Variants in PACRG observed in about 807,000 individuals in gnomAD.
PACRG encodes parkin coregulated.
Under a neutral mutation model 29.7 loss-of-function variants are expected in PACRG, and 29 were observed. The ratio of observed to expected loss-of-function variants is 0.98; its 90% CI spans 0.73 to 1.33. PACRG has a LOEUF of 1.33. Ranked by LOEUF, PACRG falls within the 40% of genes most tolerant of loss-of-function variation. The pLI is 0.00. For missense variants in PACRG, 279 were observed against 316.2 expected, an observed-to-expected ratio of 0.88 and a Z score of 0.89; for synonymous variants, 116 against 118.7, an observed-to-expected ratio of 0.98 and a Z score of 0.15.
chr6:163,285,456 A>G (rs1214152175), intron 4 of PACRG, among the ~76,000 whole-genome samples: 1 of 152,166 alleles, frequency 6.6e-6, no homozygotes, highest in Non-Finnish European at 1.5e-5. Flanking sequence ...TCCCTGCTAG[A>G]GTGAATCCCC....
chr6:163,075,239 G>A (rs748497722), intron 3 of PACRG, among the ~76,000 whole-genome samples: 1 of 152,050 alleles, frequency 6.6e-6, no homozygotes, highest in African/African-American at 2.4e-5. Context: ...TACAACAAAT[G>A]AAGAAATTAA....
At chr6:162,981,456 G>C (rs1802428546) in intron 2 of PACRG, among the ~76,000 whole-genome samples, 1 of 151,852 alleles carries the variant, frequency 6.6e-6, no homozygotes, top group Admixed American at 6.6e-5. Context: ...ATAGTTTGAA[G>C]TCAGGTAACG....
rs1392838522 is a variant in PACRG, at chr6:162,728,247, A to G, written c.12A>G (p.Glu4=). Residue 4 remains glutamate (E), a synonymous_variant, in exon 1 of 5, where the codon GAA becomes GAG. Transcript: ENST00000366888. ...CATTTTCTAGGAAGATGGTGGCAGA[A>G]AAAGAGACCCTGAGCTTAAACAAAT... The part of the protein sequence containing the change: MVA[E]KETLSLNKCP... The G allele has an allele frequency of 5.0e-6, 8 of 1,613,516 alleles. No homozygotes were observed. The highest frequency in any genetic ancestry group is 6.8e-6 in the Non-Finnish European group (8 of 1,179,878).
rs543798876 is a variant in PACRG, at chr6:163,078,413, G to A, written c.464-10846G>A. On this transcript the variant is annotated intron_variant, in intron 3 of 4. Coordinates refer to ENST00000366888, the MANE Select transcript of PACRG (RefSeq NM_001080379.2). ...AGCTACTTGGGAGGCTGAGGCAGGA[G>A]AATCACTTGAACCCGGGAGACGGAG... Among the ~76,000 whole-genome samples the A allele has an allele frequency of 4.7e-5, 7 of 150,370 alleles. No individual in the cohort carries two copies. The South Asian group carries it at 1.3e-3, about 28-fold the overall frequency.
At chr6:162,841,482 C>G (rs543361942) in intron 2 of PACRG, among the ~76,000 whole-genome samples, 157 of 152,160 alleles carry the variant, frequency 1.0e-3, no homozygotes, top group African/African-American at 3.7e-3. Context: ...AGATTTTTCT[C>G]TCTTTTTTTC....
chr6:163,289,930 C>G (rs1399390384), intron 4 of PACRG, among the ~76,000 whole-genome samples: 2 of 152,094 alleles, frequency 1.3e-5, no homozygotes, highest in African/African-American at 4.8e-5. Context: ...TCACCGCAAC[C>G]TCCGCCTCCC....
chr6:162,833,978 A>C (rs578183681), intron 2 of PACRG, among the ~76,000 whole-genome samples: 6 of 152,110 alleles, frequency 3.9e-5, no homozygotes, highest in Non-Finnish European at 8.8e-5. Context: ...TTCATCTTGC[A>C]AGACTGAAAC....
At chr6:163,081,334 T>TA (rs1397527862) in intron 3 of PACRG, among the ~76,000 whole-genome samples, 4 of 152,200 alleles carry the variant, frequency 2.6e-5, no homozygotes, top group Non-Finnish European at 5.9e-5. Flanking sequence ...TATCAGGGAC[T>TA]ACAGCAGGGG....
At chr6:162,877,790 G>A (rs1346302852) in intron 2 of PACRG, among the ~76,000 whole-genome samples, 1 of 152,006 alleles carries the variant, frequency 6.6e-6, no homozygotes, top group South Asian at 2.1e-4. Flanking sequence ...TTCTTGTCCT[G>A]CCCAGAAGAG....
intron 2 of PACRG, among the ~76,000 whole-genome samples, chr6:162,944,202 A>G (rs1798836710): frequency 6.6e-6 from 1 of 152,222 alleles, no homozygotes; most frequent in Admixed American, 6.5e-5. Flanking sequence ...GAAATTACAG[A>G]TACCACTGAT....
intron 2 of PACRG, among the ~76,000 whole-genome samples, chr6:162,863,306 A>G (rs1399549516): frequency 6.6e-6 from 1 of 152,252 alleles, no homozygotes. Context: ...GAGTTGGGCT[A>G]GGAAACTTTT....
intron 4 of PACRG, among the ~76,000 whole-genome samples, chr6:163,096,910 T>C (rs556118653): frequency 6.6e-6 from 1 of 152,328 alleles, no homozygotes; most frequent in Admixed American, 6.5e-5. Flanking sequence ...ACCTTTCCCA[T>C]ATGTCAGCAG....
At chr6:163,135,276 C>T (rs547167015) in intron 4 of PACRG, among the ~76,000 whole-genome samples, 2 of 151,910 alleles carry the variant, frequency 1.3e-5, no homozygotes, top group Admixed American at 6.6e-5. Context: ...GCAGCCTCCA[C>T]CTCCTCGGTT....
chr6:163,000,713 A>G (rs1020791979), intron 2 of PACRG, among the ~76,000 whole-genome samples: 1 of 152,224 alleles, frequency 6.6e-6, no homozygotes, highest in African/African-American at 2.4e-5. Context: ...TCGTCATTTC[A>G]TATCACAGTA....
At chr6:162,778,761 CGGCA>C (rs1783849693) in intron 1 of PACRG, among the ~76,000 whole-genome samples, 2 of 152,160 alleles carry the variant, frequency 1.3e-5, no homozygotes, top group Admixed American at 1.3e-4. Context: ...TAATACAGAC[CGGCA>C]GGTGGAGCAG....
intron 4 of PACRG, among the ~76,000 whole-genome samples, chr6:163,304,040 T>TAAAAAAAAAAAAAA (rs1554245110): frequency 8.9e-6 from 1 of 111,960 alleles, no homozygotes; most frequent in African/African-American, 3.9e-5. Context: ...AAAAAAAAAG[T>TAAAAAAAAAAAAAA]AAATGGGATA....
Position 162,788,765 on chromosome 6 carries a change from G to A in PACRG, c.157-25382G>A, listed in dbSNP as rs189079830. On this transcript the variant is annotated intron_variant, in intron 1 of 4. Transcript: ENST00000366888. ...GGCATTTCTTTATGGCATATAATGC[G>A]GAGCATCTTTTTGTATGTTTACCTG... Among the ~76,000 whole-genome samples, 141 of 152,176 alleles carry A rather than the reference G, an allele frequency of 9.3e-4. 1 individual carries two copies. The highest frequency in any genetic ancestry group is 1.4e-3 in the Non-Finnish European group (92 of 68,000).
intron 4 of PACRG, among the ~76,000 whole-genome samples, chr6:163,259,357 T>C (rs1034710940): frequency 5.3e-5 from 8 of 152,174 alleles, no homozygotes; most frequent in African/African-American, 1.4e-4. Flanking sequence ...TCCTAACAAT[T>C]ATCCCCATTC....
chr6:162,745,877 A>C (rs1780950384), intron 1 of PACRG, among the ~76,000 whole-genome samples: 1 of 152,170 alleles, frequency 6.6e-6, no homozygotes, highest in Admixed American at 6.5e-5. Flanking sequence ...ATTATTATTC[A>C]TGAATTTGCT....
Sources: gnomAD v4.1 joint callset for allele counts (sites outside exome capture counted in the v4.1 genomes callset) on GRCh38, gnomAD v4.1.1 for gene constraint, MANE v1.5 for transcripts, NCBI Gene and HGNC (gene_info 2026-07-23, HGNC 2026-07-21) for gene names.